Variants in GPC5 observed in about 807,000 individuals in gnomAD.
The protein encoded by GPC5 is glypican-5.
GPC5 carries 47 observed loss-of-function variants against 53.9 expected under a neutral mutation model. The observed-to-expected ratio is 0.87, with a 90% confidence interval of 0.69 to 1.11. The LOEUF (loss-of-function observed/expected upper bound fraction) is 1.11, where lower values mean the gene tolerates loss of function less well. GPC5 is among the 50% of genes most tolerant of loss of function. The probability of loss-of-function intolerance (pLI) is 0.00; values close to 1 mark genes in which losing one functional copy is unlikely to be tolerated. For synonymous variants in GPC5, 286 were observed against 263.3 expected (o/e 1.09, Z -0.84); for missense variants, 748 against 713.1 (o/e 1.05, Z -0.56).
At chr13:91,645,798 G>A (rs1397088275) in intron 2 of GPC5, among the ~76,000 whole-genome samples, 2 of 152,178 alleles carry the variant, frequency 1.3e-5, no homozygotes, top group African/African-American at 4.8e-5. Flanking sequence ...AGATCTGGTT[G>A]TAATGCAGAC....
At chr13:91,685,732 G>T (rs983066155) in intron 2 of GPC5, among the ~76,000 whole-genome samples, 1 of 152,088 alleles carries the variant, frequency 6.6e-6, no homozygotes, top group Admixed American at 6.5e-5. Context: ...ATGAATGAAA[G>T]AATGAATATC....
At chr13:92,599,273 A>C (rs2139078017) in intron 7 of GPC5, among the ~76,000 whole-genome samples, 1 of 152,294 alleles carries the variant, frequency 6.6e-6, no homozygotes, top group East Asian at 1.9e-4. Flanking sequence ...TATGCACCTG[A>C]ACTATATTTA....
intron 7 of GPC5, among the ~76,000 whole-genome samples, chr13:92,657,045 AT>A (rs1023827256): frequency 2.0e-5 from 3 of 152,208 alleles, no homozygotes; most frequent in Non-Finnish European, 1.5e-5. Context: ...AAATGAAATA[AT>A]TTTAGGTAAT....
At chr13:91,663,127 T>C (rs949029498) in intron 2 of GPC5, among the ~76,000 whole-genome samples, 1 of 152,218 alleles carries the variant, frequency 6.6e-6, no homozygotes, top group Non-Finnish European at 1.5e-5. Flanking sequence ...AATACAAACG[T>C]TCTTGACTTA....
chr13:92,518,761 C>T (rs991533186), intron 7 of GPC5, among the ~76,000 whole-genome samples: 4 of 152,170 alleles, frequency 2.6e-5, no homozygotes, highest in African/African-American at 9.7e-5. Flanking sequence ...ATGACAGGAT[C>T]AAATTCACAC....
intron 2 of GPC5, among the ~76,000 whole-genome samples, chr13:91,576,794 C>T (rs1056512623): frequency 6.6e-6 from 1 of 152,096 alleles, no homozygotes; most frequent in Non-Finnish European, 1.5e-5. Context: ...CTCCTGTCAT[C>T]GCCTCCTGCT....
intron 6 of GPC5, among the ~76,000 whole-genome samples, chr13:92,015,628 A>G (rs1353359330): frequency 6.6e-6 from 1 of 152,128 alleles, no homozygotes; most frequent in Non-Finnish European, 1.5e-5. Flanking sequence ...AAATTAGTAG[A>G]ATTCAAACTA....
intron 7 of GPC5, among the ~76,000 whole-genome samples, chr13:92,600,651 C>A (rs970222352): frequency 7.3e-6 from 1 of 136,558 alleles, no homozygotes; most frequent in African/African-American, 2.8e-5. Context: ...GACCCCATCA[C>A]CACACCCAGC....
At chr13:91,452,846 T>C (rs1401153254) in intron 2 of GPC5, among the ~76,000 whole-genome samples, 1 of 151,912 alleles carries the variant, frequency 6.6e-6, no homozygotes, top group African/African-American at 2.4e-5. Context: ...TATTGGAAGC[T>C]TGTGTTTTGT....
intron 7 of GPC5, among the ~76,000 whole-genome samples, chr13:92,338,454 A>G (rs2043340322): frequency 6.6e-6 from 1 of 152,094 alleles, no homozygotes; most frequent in Admixed American, 6.6e-5. Context: ...TGGCACATGG[A>G]TATTTACAGC....
chr13:92,403,477 A>G (rs1017994090), intron 7 of GPC5, among the ~76,000 whole-genome samples: 1 of 152,154 alleles, frequency 6.6e-6, no homozygotes, highest in Non-Finnish European at 1.5e-5. Context: ...TTAGATTATC[A>G]TGGGAACACA....
At chr13:91,476,624 A>G (rs1166619652) in intron 2 of GPC5, among the ~76,000 whole-genome samples, 3 of 152,198 alleles carry the variant, frequency 2.0e-5, no homozygotes, top group Non-Finnish European at 4.4e-5. Context: ...CAATTTGCAG[A>G]CAATAAGGTC....
intron 7 of GPC5, among the ~76,000 whole-genome samples, chr13:92,325,389 T>C (rs1296496285): frequency 2.0e-5 from 3 of 152,088 alleles, no homozygotes; most frequent in Admixed American, 6.6e-5. Flanking sequence ...ACTTGCTAAA[T>C]GGAGGCAAAA....
chr13:91,417,856 G>A (rs564363030), intron 1 of GPC5, among the ~76,000 whole-genome samples: 2 of 152,288 alleles, frequency 1.3e-5, no homozygotes, highest in East Asian at 1.9e-4. Flanking sequence ...AGGGTGTGAC[G>A]CAACTGACTT....
At chr13:91,461,551 T>C (rs1355656490) in intron 2 of GPC5, among the ~76,000 whole-genome samples, 1 of 152,174 alleles carries the variant, frequency 6.6e-6, no homozygotes, top group Non-Finnish European at 1.5e-5. Context: ...AATAGTACCT[T>C]CTTCTAGGCT....
intron 4 of GPC5, among the ~76,000 whole-genome samples, chr13:91,753,792 G>T (rs905510460): frequency 8.6e-5 from 13 of 152,028 alleles, no homozygotes; most frequent in Non-Finnish European, 1.9e-4. Flanking sequence ...CAGGCTTTTT[G>T]TTTGGTTTGC....
intron 7 of GPC5, among the ~76,000 whole-genome samples, chr13:92,517,745 A>C (rs565466887): frequency 3.3e-5 from 5 of 152,288 alleles, no homozygotes; most frequent in African/African-American, 1.2e-4. Flanking sequence ...CAAAGCAGAA[A>C]AGCTGAAAAT....
chr13:92,233,069 AT>A (rs1224398028), intron 7 of GPC5, among the ~76,000 whole-genome samples: 2 of 152,192 alleles, frequency 1.3e-5, no homozygotes, highest in African/African-American at 4.8e-5. Flanking sequence ...TTATTGCTTT[AT>A]TGCCACTCTG....
intron 7 of GPC5, among the ~76,000 whole-genome samples, chr13:92,613,409 A>C (rs868164967): frequency 3.4e-4 from 27 of 79,358 alleles, no homozygotes; most frequent in African/African-American, 1.3e-3. Flanking sequence ...ATATTATATT[A>C]TATATAAATA....
Sources: gnomAD v4.1 joint callset for allele counts (sites outside exome capture counted in the v4.1 genomes callset) on GRCh38, gnomAD v4.1.1 for gene constraint, MANE v1.5 for transcripts, NCBI Gene and HGNC (gene_info 2026-07-23, HGNC 2026-07-21) for gene names.